TYW1B: variants seen among roughly 807,000 people sequenced by gnomAD.
TYW1B encodes the protein tRNA-yW synthesizing protein 1 homolog B, also known as S-adenosyl-L-methionine-dependent tRNA 4-demethylwyosine synthase TYW1B.
In TYW1B, 73 loss-of-function variants were observed where a neutral mutation model predicts 86.9. The observed-to-expected ratio is 0.84, with a 90% CI of 0.70 to 1.02. The LOEUF (loss-of-function observed/expected upper bound fraction) is 1.02, where lower values mean the gene tolerates loss of function less well. Among genes scored for constraint, TYW1B ranks in the 50% least tolerant of loss-of-function variants. TYW1B has a pLI of 0.00. For synonymous variants in TYW1B, 248 were observed against 292.8 expected (o/e 0.85, Z 1.56); for missense variants, 637 against 827.4 (o/e 0.77, Z 2.82).
chr7:72,692,978 GGAGA>G, intron 11 of TYW1B, among the ~76,000 whole-genome samples: 1 of 152,102 alleles, frequency 6.6e-6, no homozygotes, highest in East Asian at 1.9e-4. Flanking sequence ...GCTGGGCACA[GGAGA>G]GAAAGGCAAG....
chr7:72,809,249 T>C lies in TYW1B; in HGVS notation c.432+1222A>G, dbSNP rs192679515. 6.2e-4 allele frequency among the ~76,000 whole-genome samples: 94 copies of C among 152,014 alleles called. 2 individuals are homozygous for C. The East Asian group carries it at 0.017, about 27-fold the overall frequency. On this transcript the variant is annotated intron_variant, in intron 4 of 13. Coordinates refer to ENST00000620995, the MANE Select transcript of TYW1B (RefSeq NM_001145440.3). ...TAGTAGAGACAGGGTTTCACCATGTTAGCCACGATGATCTCGATCTCCTGA... is the reference window on the plus strand; with the variant it reads ...TAGTAGAGACAGGGTTTCACCATGTCAGCCACGATGATCTCGATCTCCTGA...
chr7:72,738,918 A>T (rs79492119), intron 8 of TYW1B, among the ~76,000 whole-genome samples: 119,534 of 150,240 alleles, frequency 0.8, 47,736 homozygotes, highest in Middle Eastern at 0.83. Flanking sequence ...CAAAAAAAAA[A>T]AAAAATAATA....
chr7:72,658,512 T>C (rs1259980531), intron 11 of TYW1B, among the ~76,000 whole-genome samples: 1 of 152,208 alleles, frequency 6.6e-6, no homozygotes, highest in Non-Finnish European at 1.5e-5. Flanking sequence ...ATACTCCTTC[T>C]AGGGAATGAA....
intron 11 of TYW1B, among the ~76,000 whole-genome samples, chr7:72,658,200 G>A (rs1164600546): frequency 6.6e-6 from 1 of 152,028 alleles, no homozygotes; most frequent in Non-Finnish European, 1.5e-5. Context: ...GCAGTAAGCT[G>A]AGATCGCGCC....
At chr7:72,727,811 C>CAAAAAAA (rs10714290) in intron 9 of TYW1B, among the ~76,000 whole-genome samples, 7 of 107,642 alleles carry the variant, frequency 6.5e-5, no homozygotes, top group East Asian at 3.2e-4. Context: ...AGATCCGGTC[C>CAAAAAAA]AAAAAAAAAA....
intron 6 of TYW1B, among the ~76,000 whole-genome samples, chr7:72,778,677 C>G (rs2844118): frequency 6.6e-6 from 1 of 152,112 alleles, no homozygotes; most frequent in Admixed American, 6.6e-5. Context: ...GTCTGAAACT[C>G]CTGGCCAATG....
Position 72,668,439 on chromosome 7 carries a change from T to C in TYW1B, c.1506+26248A>G, listed in dbSNP as rs557479942. On this transcript the variant is annotated intron_variant, in intron 11 of 13. Coordinates refer to ENST00000620995, the MANE Select transcript of TYW1B (RefSeq NM_001145440.3). Reference sequence around the variant, plus strand: ...CAGTGTGCTAGGCACTATCAGCTTGTGGACAGCTAGATCGTTAAGACCATT... The same window carrying C: ...CAGTGTGCTAGGCACTATCAGCTTGCGGACAGCTAGATCGTTAAGACCATT... Among the ~76,000 whole-genome samples, 19 of 152,356 alleles carry C rather than the reference T, an allele frequency of 1.2e-4. No individual in the cohort carries two copies. In the South Asian group the frequency reaches 2.9e-3, roughly 23 times the overall value.
intron 3 of TYW1B, among the ~76,000 whole-genome samples, chr7:72,813,770 T>C (rs797029858): frequency 2.6e-5 from 4 of 152,260 alleles, no homozygotes; most frequent in African/African-American, 9.6e-5. Context: ...ATCCCAGCAC[T>C]ATGGGAGGCC....
chr7:72,619,370 G>A (rs1248096488), intron 12 of TYW1B, among the ~76,000 whole-genome samples: 5 of 152,116 alleles, frequency 3.3e-5, no homozygotes, highest in Non-Finnish European at 7.4e-5. Flanking sequence ...GGCCGGGCGC[G>A]GTGGCTCACG....
At chr7:72,602,769 T>C (rs1207637918) in intron 13 of TYW1B, among the ~76,000 whole-genome samples, 1 of 151,468 alleles carries the variant, frequency 6.6e-6, no homozygotes, top group East Asian at 2.0e-4. Context: ...CCACTGTAAG[T>C]TGGGACCATC....
chr7:72,667,389 G>A (rs534142339), intron 11 of TYW1B, among the ~76,000 whole-genome samples: 1 of 152,256 alleles, frequency 6.6e-6, no homozygotes, highest in South Asian at 2.1e-4. Flanking sequence ...TGTATTGAAA[G>A]ACTGCTGTGC....
intron 7 of TYW1B, among the ~76,000 whole-genome samples, chr7:72,756,201 TTTTTATTTTATTTTA>T (rs66806955): frequency 0.05 from 6,889 of 138,828 alleles, 500 homozygotes; most frequent in East Asian, 0.33. Context: ...GTTTATTATT[TTTTTATTTTATTTTA>T]TTTTATTTTA....
chr7:72,624,157 C>T (rs1237456509), intron 12 of TYW1B, among the ~76,000 whole-genome samples: 2 of 152,142 alleles, frequency 1.3e-5, no homozygotes, highest in African/African-American at 4.8e-5. Context: ...AATAAGACAA[C>T]AATGACAAAA....
At chr7:72,576,355 CAGAA>C (rs1160575892) in intron 13 of TYW1B, among the ~76,000 whole-genome samples, 12 of 152,232 alleles carry the variant, frequency 7.9e-5, no homozygotes, top group Admixed American at 2.6e-4. Flanking sequence ...ATGAAGAAAA[CAGAA>C]AGAAAGTTGA....
At chr7:72,791,211 C>A (rs1180231527) in intron 6 of TYW1B, among the ~76,000 whole-genome samples, 1 of 152,030 alleles carries the variant, frequency 6.6e-6, no homozygotes, top group African/African-American at 2.4e-5. Context: ...TCCCCAGCAG[C>A]CGCTCTTCTC....
intron 8 of TYW1B, among the ~76,000 whole-genome samples, chr7:72,741,345 G>A (rs1263085827): frequency 5.3e-5 from 8 of 152,094 alleles, no homozygotes; most frequent in Non-Finnish European, 1.0e-4. Context: ...CTTCACTAGA[G>A]GGTTTCAACA....
intron 9 of TYW1B, among the ~76,000 whole-genome samples, chr7:72,718,609 G>A (rs1468247810): frequency 6.6e-6 from 1 of 152,056 alleles, no homozygotes; most frequent in Non-Finnish European, 1.5e-5. Context: ...TGTATTTCGT[G>A]TCAGTATTTT....
At chr7:72,703,407 T>G (rs1341213063) in intron 10 of TYW1B, among the ~76,000 whole-genome samples, 1 of 152,160 alleles carries the variant, frequency 6.6e-6, no homozygotes, top group Admixed American at 6.6e-5. Flanking sequence ...TCCAGAATAT[T>G]CTAATTATCT....
At chr7:72,577,555 C>T (rs1186139860) in intron 13 of TYW1B, among the ~76,000 whole-genome samples, 8 of 152,202 alleles carry the variant, frequency 5.3e-5, no homozygotes, top group Admixed American at 5.2e-4. Context: ...AAGGTGACCT[C>T]CTTTTCCCTG....
Sources: allele counts gnomAD v4.1 joint callset (sites outside exome capture counted in the v4.1 genomes callset), GRCh38; gene constraint gnomAD v4.1.1; transcripts MANE v1.5; gene names NCBI Gene and HGNC (gene_info 2026-07-23, HGNC 2026-07-21).